The following HYKK variants were observed in gnomAD, a reference collection of about 807,000 sequenced individuals.
HYKK encodes hydroxylysine kinase.
A neutral mutation model predicts 29.7 loss-of-function variants in HYKK; 19 were observed. The observed-to-expected ratio is 0.64, with a 90% CI of 0.45 to 0.94. HYKK has a LOEUF of 0.94. HYKK is among the 40% of genes least tolerant of loss of function. The pLI is 0.00. For missense variants in HYKK, 390 were observed against 443.4 expected, an observed-to-expected ratio of 0.88 and a Z score of 1.08; for synonymous variants, 152 against 158.1, an observed-to-expected ratio of 0.96 and a Z score of 0.29.
intron 3 of HYKK, chr15:78,518,500 G>A (rs2052158566): frequency 4.6e-6 from 2 of 434,538 alleles, no homozygotes; most frequent in Admixed American, 4.9e-5. Context: ...ATTCTCTCAG[G>A]GATCACTGTT....
intron 3 of HYKK, among the ~76,000 whole-genome samples, chr15:78,526,376 G>A (rs986447091): frequency 1.3e-5 from 2 of 152,170 alleles, no homozygotes; most frequent in African/African-American, 4.8e-5. Context: ...GTGGTAAGAA[G>A]AAAAAATAAG....
intron 1 of HYKK, among the ~76,000 whole-genome samples, chr15:78,509,978 A>G (rs1013002846): frequency 6.6e-6 from 1 of 152,174 alleles, no homozygotes; most frequent in African/African-American, 2.4e-5. Context: ...AGGCTGGAGC[A>G]ATCACTTTGG....
intron 2 of HYKK, 60 bp from the exon 3 acceptor site, chr15:78,514,908 C>CTCTCTCTCTATATATATATA (rs766004199): frequency 2.0e-4 from 79 of 385,492 alleles, no homozygotes; most frequent in African/African-American, 1.6e-3. Context: ...CTCTCTCTCT[C>CTCTCTCTCTATATATATATA]TATATATATA....
At chr15:78,510,396 G>A (rs1434177601) in intron 1 of HYKK, among the ~76,000 whole-genome samples, 1 of 151,366 alleles carries the variant, frequency 6.6e-6, no homozygotes, top group Non-Finnish European at 1.5e-5. Context: ...ATGGGGTTTC[G>A]CCATGTTGGC....
intron 3 of HYKK, among the ~76,000 whole-genome samples, chr15:78,524,249 A>G (rs763046186): frequency 6.6e-5 from 10 of 152,254 alleles, no homozygotes; most frequent in East Asian, 3.8e-4. Context: ...CCAAGCCTCA[A>G]CTTTTACACT....
intron 2 of HYKK, 79 bp from the exon 3 acceptor site, chr15:78,514,889 C>CT: frequency 4.4e-5 from 9 of 206,724 alleles, no homozygotes; most frequent in Non-Finnish European, 5.8e-5. Context: ...TATCTAAATA[C>CT]CTCTCTCTCT....
chr15:78,507,591 C>G lies in HYKK; in HGVS notation c.-86C>G, dbSNP rs1260774544. The G allele has an allele frequency of 6.6e-6, 1 of 152,410 alleles. No homozygotes were observed. The highest frequency in any genetic ancestry group is 1.5e-5 in the Non-Finnish European group (1 of 68,224). The allele number at this position is 152,410 out of a possible 1,614,324, so 9.4% of individuals were successfully genotyped here. A position where few individuals can be genotyped will look rare whatever the true frequency, so the allele number is the denominator to read the frequency against. On this transcript the variant is annotated 5_prime_UTR_variant, in exon 1 of 5. Transcript: ENST00000388988. ...GGGCGCTGCGGCCCCTGCTCTACCT[C>G]CTAGCGCCGGTGCGCGGCCGAGGCC...
chr15:78,516,739 G>C (rs1435120932), intron 3 of HYKK, among the ~76,000 whole-genome samples: 1 of 152,178 alleles, frequency 6.6e-6, no homozygotes, highest in Non-Finnish European at 1.5e-5. Context: ...AGAGGTTTAG[G>C]CCAGGTGTGG....
At chr15:78,523,887 T>C (rs1211452485) in intron 3 of HYKK, among the ~76,000 whole-genome samples, 5 of 152,248 alleles carry the variant, frequency 3.3e-5, no homozygotes, top group Non-Finnish European at 5.9e-5. Context: ...CAAGGCAGAC[T>C]GATGCAAGGG....
intron 4 of HYKK, among the ~76,000 whole-genome samples, chr15:78,532,629 T>C (rs2052323419): frequency 6.6e-6 from 1 of 152,012 alleles, no homozygotes; most frequent in Non-Finnish European, 1.5e-5. Context: ...ACTCCGTCTC[T>C]ACTAAAAATA....
Position 78,533,331 on chromosome 15 carries a change from CTA to C in HYKK, c.785_786del (p.Tyr262CysfsTer3). ...ACTTTGGTGACATGAGCTATGGCTA[CTA>C]TGTGTTTGAAGTGGCAATTACCATC... Reference protein sequence around the residue: ...LDFGDMSYGYYVFEVAITIMY... With the variant: ...LDFGDMSYGYXVFEVAITIMY... On this transcript the variant is annotated frameshift_variant, in exon 5 of 5. Coordinates refer to ENST00000388988, the MANE Select transcript of HYKK (RefSeq NM_001013619.4). LOFTEE classifies it high-confidence loss of function. 1 of 1,614,060 alleles carries C rather than the reference CTA, an allele frequency of 6.2e-7. No individual in the cohort carries two copies. The highest frequency in any genetic ancestry group is 8.5e-7 in the Non-Finnish European group (1 of 1,179,946).
chr15:78,518,609 C>T (rs536948916), intron 3 of HYKK: 1 of 455,360 alleles, frequency 2.2e-6, no homozygotes, highest in Admixed American at 2.4e-5. Flanking sequence ...CCGCGTTACA[C>T]CCCTATTGGC....
At chr15:78,521,988 T>G (rs2052201962) in intron 3 of HYKK, among the ~76,000 whole-genome samples, 1 of 151,818 alleles carries the variant, frequency 6.6e-6, no homozygotes, top group Non-Finnish European at 1.5e-5. Context: ...TCTTCTTTTT[T>G]TTTTTTTTTG....
chr15:78,517,162 A>G (rs1394670024), intron 3 of HYKK, among the ~76,000 whole-genome samples: 2 of 119,346 alleles, frequency 1.7e-5, no homozygotes, highest in East Asian at 4.9e-4. Context: ...CCCAGGCTGG[A>G]GTGCAACGCT....
chr15:78,512,379 TTTTTTCTTTTTTTTC>T (rs1350494255), intron 1 of HYKK, among the ~76,000 whole-genome samples: 1 of 151,546 alleles, frequency 6.6e-6, no homozygotes, highest in Middle Eastern at 3.4e-3. Context: ...GCTGAATTCT[TTTTTTCTTTTTTTTC>T]TTTTTCTTTT....
At chr15:78,530,220 A>T in intron 4 of HYKK, among the ~76,000 whole-genome samples, 2 of 85,018 alleles carry the variant, frequency 2.4e-5, no homozygotes, top group African/African-American at 4.3e-5. Flanking sequence ...TTTTTTTTTG[A>T]GCTGGAGTCT....
At chr15:78,513,471 C>CCAG in intron 2 of HYKK, 46 bp downstream of exon 2, 2 of 1,374,462 alleles carry the variant, frequency 1.5e-6, no homozygotes, top group Non-Finnish European at 2.0e-6. Flanking sequence ...CCAGACACAT[C>CCAG]ACTGCATTTT....
intron 1 of HYKK, among the ~76,000 whole-genome samples, chr15:78,512,304 T>C (rs2052080777): frequency 6.6e-6 from 1 of 152,186 alleles, no homozygotes; most frequent in South Asian, 2.1e-4. Flanking sequence ...TTTGAATTTA[T>C]TGTTTAACCT....
At chr15:78,514,888 A>AAGT in intron 2 of HYKK, 80 bp from the exon 3 acceptor site, 1 of 97,516 alleles carries the variant, frequency 1.0e-5, no homozygotes, top group Admixed American at 3.4e-4. Flanking sequence ...ATATCTAAAT[A>AAGT]CCTCTCTCTC....
Sources: gnomAD v4.1 joint callset for allele counts (sites outside exome capture counted in the v4.1 genomes callset) on GRCh38, gnomAD v4.1.1 for gene constraint, MANE v1.5 for transcripts, NCBI Gene and HGNC (gene_info 2026-07-23, HGNC 2026-07-21) for gene names.